The following COL4A1 variants were observed in gnomAD, a reference collection of about 807,000 sequenced individuals.
COL4A1 encodes the protein collagen type IV alpha 1 chain.
Under a neutral mutation model 216.6 loss-of-function variants are expected in COL4A1, and 40 were observed. That is an observed-to-expected ratio of 0.18 (90% confidence interval 0.14 to 0.24). COL4A1 has a LOEUF of 0.24. Among genes scored for constraint, COL4A1 ranks in the 10% least tolerant of loss-of-function variants. COL4A1 has a pLI of 1.00. For synonymous variants in COL4A1, 839 were observed against 810.7 expected, an observed-to-expected ratio of 1.03 and a Z score of -0.59; for missense variants, 1,628 against 2,196.8, an observed-to-expected ratio of 0.74 and a Z score of 5.18.
At chr13:110,167,127 A>C in intron 44 of COL4A1, 31 bp downstream of exon 44, 2 of 1,592,960 alleles carry the variant, frequency 1.3e-6, no homozygotes, top group Non-Finnish European at 1.7e-6. Flanking sequence ...GCTGCTGCAA[A>C]GGCTGTGCAG....
chr13:110,306,612 C>G (rs1308758227), intron 1 of COL4A1, among the ~76,000 whole-genome samples: 1 of 152,186 alleles, frequency 6.6e-6, no homozygotes, highest in Non-Finnish European at 1.5e-5. Flanking sequence ...GTGAAGGCGC[C>G]CAGCTGCCGA....
intron 1 of COL4A1, among the ~76,000 whole-genome samples, chr13:110,281,567 G>A (rs1305276439): frequency 6.6e-6 from 1 of 151,930 alleles, no homozygotes; most frequent in African/African-American, 2.4e-5. Flanking sequence ...TTCCACTATG[G>A]GGGCTCACAC....
At chr13:110,267,117 G>T (rs1883068325) in intron 1 of COL4A1, among the ~76,000 whole-genome samples, 1 of 152,174 alleles carries the variant, frequency 6.6e-6, no homozygotes, top group Non-Finnish European at 1.5e-5. Context: ...GGCAGCGGCT[G>T]CTGAGCAGAG....
chr13:110,197,277 G>A (rs1878946629), intron 21 of COL4A1, among the ~76,000 whole-genome samples: 1 of 142,958 alleles, frequency 7.0e-6, no homozygotes, highest in South Asian at 2.2e-4. Flanking sequence ...ATCATCTCCT[G>A]CATTCATGAG....
intron 51 of COL4A1, among the ~76,000 whole-genome samples, chr13:110,151,660 T>C (rs1876502264): frequency 6.6e-6 from 1 of 152,190 alleles, no homozygotes. Flanking sequence ...AGTAAGCAGC[T>C]GTGCCAGCTC....
Position 110,170,561 on chromosome 13 carries a change from T to C in COL4A1, c.3728A>G (p.Gln1243Arg). ...GATGCCCTTACCTGGCAGGCCAGGC[T>C]GGCCCTGAGGTCCGCGGTCTCCTTT... ...GPKGDRGPQGQPGLPGLPGPM... is the reference protein window; with the variant it reads ...GPKGDRGPQGRPGLPGLPGPM... Residue 1243 changes from glutamine (Q) to arginine (R), a missense_variant, in exon 42 of 52, where the codon CAG (glutamine) becomes CGG (arginine). Physicochemically the swap from Gln to Arg is conservative, Grantham distance 43. Transcript: ENST00000375820. 3 of 1,604,244 alleles carry C rather than the reference T, an allele frequency of 1.9e-6. No homozygotes were observed. Among genetic ancestry groups the C allele is most frequent in the African/African-American group, 2.7e-5 (2 of 74,960 alleles).
At chr13:110,237,284 G>A (rs897588533) in intron 2 of COL4A1, among the ~76,000 whole-genome samples, 1 of 152,198 alleles carries the variant, frequency 6.6e-6, no homozygotes, top group Non-Finnish European at 1.5e-5. Flanking sequence ...TAGAAACTGA[G>A]TCGTACTCTG....
intron 21 of COL4A1, among the ~76,000 whole-genome samples, chr13:110,197,424 C>T (rs1878956981): frequency 6.6e-6 from 1 of 152,140 alleles, no homozygotes; most frequent in Non-Finnish European, 1.5e-5. Context: ...AATCTGGAAC[C>T]CAAAGGCCCC....
intron 1 of COL4A1, among the ~76,000 whole-genome samples, chr13:110,297,237 C>T (rs1884311060): frequency 6.6e-6 from 1 of 152,200 alleles, no homozygotes; most frequent in African/African-American, 2.4e-5. Flanking sequence ...GGGGGGCCAG[C>T]CACCAGTCAA....
intron 46 of COL4A1, among the ~76,000 whole-genome samples, chr13:110,163,974 TTCTC>T (rs1209401983): frequency 2.2e-4 from 31 of 139,612 alleles, no homozygotes; most frequent in Admixed American, 4.0e-4. Flanking sequence ...TCTTCTTTCT[TTCTC>T]TCTCTCTTTT....
intron 37 of COL4A1, among the ~76,000 whole-genome samples, chr13:110,174,951 C>G (rs1288279460): frequency 6.6e-6 from 1 of 152,210 alleles, no homozygotes; most frequent in African/African-American, 2.4e-5. Flanking sequence ...CATCTGGTTT[C>G]TACCTGCCAT....
intron 28 of COL4A1, 58 bp from the exon 29 acceptor site, chr13:110,181,447 G>A (rs999210377): frequency 1.4e-5 from 21 of 1,458,064 alleles, no homozygotes; most frequent in Middle Eastern, 1.8e-4. Flanking sequence ...TTACAATGCC[G>A]TTCCCCACTT....
intron 28 of COL4A1, among the ~76,000 whole-genome samples, chr13:110,182,066 G>T (rs1878183593): frequency 6.6e-6 from 1 of 152,208 alleles, no homozygotes; most frequent in African/African-American, 2.4e-5. Flanking sequence ...ATGTCACATG[G>T]GTCACGGCCT....
In COL4A1 at chr13:110,307,123, A is replaced by T; in HGVS notation, c.-96T>A. 9.8e-7 allele frequency: 1 copy of T among 1,017,690 alleles called. No individual in the cohort carries two copies. The highest frequency in any genetic ancestry group is 1.3e-6 in the Non-Finnish European group (1 of 753,972). 63.0% of individuals were successfully genotyped at this position (1,017,690 alleles called of 1,614,324 possible). A position where few individuals can be genotyped will look rare whatever the true frequency, so the allele number is the denominator to read the frequency against. Reference sequence around the variant, plus strand: ...GAAGGCCGGACTTCCAGCGCTACGCACCGTCCCGGGTGCGGCGGCTCCAAG... The same window carrying T: ...GAAGGCCGGACTTCCAGCGCTACGCTCCGTCCCGGGTGCGGCGGCTCCAAG... On this transcript the variant is annotated 5_prime_UTR_variant, in exon 1 of 52. Transcript: ENST00000375820. The surrounding 1 kb of genome is among the most constrained non-coding windows in gnomAD (Gnocchi z 5.0).
At chr13:110,249,448 G>T (rs1881981109) in intron 1 of COL4A1, among the ~76,000 whole-genome samples, 1 of 152,144 alleles carries the variant, frequency 6.6e-6, no homozygotes, top group Non-Finnish European at 1.5e-5. Flanking sequence ...TCACGGAAGG[G>T]AGTCCCCGGC....
rs1422755987 is a variant in COL4A1, at chr13:110,164,909, G to C, written c.4103C>G (p.Pro1368Arg). 1.2e-6 allele frequency: 2 copies of C among 1,608,486 alleles called. No homozygotes were observed. Among genetic ancestry groups the C allele is most frequent in the Admixed American group, 1.7e-5 (1 of 59,172 alleles). Reference protein sequence around the residue: ...EPGLPGPEGPPGLKGLQGLPG... With the variant: ...EPGLPGPEGPRGLKGLQGLPG... ...CAGTCCCTGAAGCCCTTTCAGCCCTGGGGGGCCCTCAGGACCAGGGAGCCC... is the reference window on the plus strand; with the variant it reads ...CAGTCCCTGAAGCCCTTTCAGCCCTCGGGGGCCCTCAGGACCAGGGAGCCC... Residue 1368 changes from proline (P) to arginine (R), a missense_variant, in exon 46 of 52, where the codon CCA (proline) becomes CGA (arginine). This residue lies in a region of COL4A1 where 345 missense variants were observed against 476.9 expected (regional missense o/e 0.72). Transcript: ENST00000375820.
intron 2 of COL4A1, among the ~76,000 whole-genome samples, chr13:110,225,146 C>T (rs960250870): frequency 2.6e-5 from 4 of 152,138 alleles, no homozygotes; most frequent in African/African-American, 7.2e-5. Flanking sequence ...GTAGTCCCTG[C>T]GGTTCCCTTG....
At chr13:110,302,828 A>G (rs56313459) in intron 1 of COL4A1, among the ~76,000 whole-genome samples, 5,495 of 152,332 alleles carry the variant, frequency 0.036, 123 homozygotes, top group Middle Eastern at 0.078. Flanking sequence ...CAGGAAGAAC[A>G]ATGCTCTAAC....
intron 39 of COL4A1, 28 bp downstream of exon 39, chr13:110,174,418 G>A (rs556123500): frequency 1.2e-4 from 200 of 1,611,436 alleles, no homozygotes; most frequent in South Asian, 2.2e-4. Context: ...CTATGTGCCC[G>A]GGCTGTGTCC....
Sources: gnomAD v4.1 joint callset for allele counts (sites outside exome capture counted in the v4.1 genomes callset) on GRCh38, gnomAD v4.1.1 for gene constraint, gnomAD v4.1.1 regional missense constraint, Gnocchi (gnomAD v3.1) non-coding constraint, MANE v1.5 for transcripts, NCBI Gene and HGNC (gene_info 2026-07-23, HGNC 2026-07-21) for gene names.